ARB2A: variants seen among roughly 807,000 people sequenced by gnomAD.
The protein encoded by ARB2A is cotranscriptional regulator ARB2A.
chr5:93,789,396 A>C, the ARB2A span, among the ~76,000 whole-genome samples: 3 of 152,210 alleles, frequency 2.0e-5, no homozygotes, highest in Non-Finnish European at 4.4e-5. Flanking sequence ...TAAAAAAAAT[A>C]CATGTATATA....
chr5:94,009,846 A>G, the ARB2A span, among the ~76,000 whole-genome samples: 2 of 151,052 alleles, frequency 1.3e-5, no homozygotes, highest in Non-Finnish European at 3.0e-5. Context: ...ATTCTCTACT[A>G]TTGTTTGATA....
At chr5:93,697,889 C>G in the ARB2A span, among the ~76,000 whole-genome samples, 1 of 151,984 alleles carries the variant, frequency 6.6e-6, no homozygotes, top group South Asian at 2.1e-4. Flanking sequence ...AAGTTCATAA[C>G]ATATTTAAAG....
the ARB2A span, among the ~76,000 whole-genome samples, chr5:93,700,442 G>A: frequency 6.6e-6 from 1 of 151,884 alleles, no homozygotes; most frequent in Non-Finnish European, 1.5e-5. Flanking sequence ...TTTATCAACT[G>A]AATTTAGGGT....
the ARB2A span, among the ~76,000 whole-genome samples, chr5:93,903,487 T>A: frequency 1.3e-5 from 2 of 152,042 alleles, no homozygotes; most frequent in Admixed American, 6.6e-5. Context: ...AACCAAATTA[T>A]ACATACTCTC....
At chr5:94,042,193 G>A in the ARB2A span, among the ~76,000 whole-genome samples, 1 of 151,886 alleles carries the variant, frequency 6.6e-6, no homozygotes, top group Admixed American at 6.6e-5. Flanking sequence ...AAAATTCTGT[G>A]TGTGAATATA....
the ARB2A span, among the ~76,000 whole-genome samples, chr5:93,892,850 C>A: frequency 6.6e-6 from 1 of 152,116 alleles, no homozygotes. Context: ...AAATTTGGCT[C>A]TTAAGAGTCC....
At chr5:93,891,778 G>T in the ARB2A span, among the ~76,000 whole-genome samples, 1 of 152,040 alleles carries the variant, frequency 6.6e-6, no homozygotes, top group African/African-American at 2.4e-5. Flanking sequence ...CCAAACAAAA[G>T]ATTTTAACCG....
the ARB2A span, among the ~76,000 whole-genome samples, chr5:94,006,911 C>T: frequency 6.6e-6 from 1 of 152,160 alleles, no homozygotes; most frequent in Non-Finnish European, 1.5e-5. Context: ...TTCAAAATTA[C>T]AACTAAAATC....
the ARB2A span, among the ~76,000 whole-genome samples, chr5:94,088,590 A>C: frequency 6.6e-6 from 1 of 152,264 alleles, no homozygotes; most frequent in East Asian, 1.9e-4. Flanking sequence ...GTGAGGCAGC[A>C]GATATCAGGA....
At chr5:94,101,999 C>T in the ARB2A span, among the ~76,000 whole-genome samples, 6 of 151,590 alleles carry the variant, frequency 4.0e-5, no homozygotes, top group East Asian at 5.8e-4. Context: ...AAGCCCTCCC[C>T]GTCATAGTGT....
chr5:94,043,364 G>A, the ARB2A span, among the ~76,000 whole-genome samples: 3 of 152,192 alleles, frequency 2.0e-5, no homozygotes, highest in Non-Finnish European at 4.4e-5. Flanking sequence ...GTATACTCCT[G>A]TGAACAAAAT....
chr5:93,942,480 CT>C, the ARB2A span, among the ~76,000 whole-genome samples: 1 of 151,542 alleles, frequency 6.6e-6, no homozygotes, highest in Non-Finnish European at 1.5e-5. Flanking sequence ...ATTAAAAAAA[CT>C]TTTTTTGAAA....
the ARB2A span, among the ~76,000 whole-genome samples, chr5:93,701,047 G>A: frequency 6.6e-6 from 1 of 152,126 alleles, no homozygotes; most frequent in Admixed American, 6.6e-5. Context: ...TGTGGGGAAT[G>A]TGTTTGTATC....
chr5:93,785,515 T>C, the ARB2A span, among the ~76,000 whole-genome samples: 2 of 152,184 alleles, frequency 1.3e-5, no homozygotes, highest in Non-Finnish European at 2.9e-5. Context: ...TGAAAGCTCA[T>C]ACAGAGAAAG....
the ARB2A span, among the ~76,000 whole-genome samples, chr5:93,905,140 C>G: frequency 7.5e-4 from 114 of 151,762 alleles, no homozygotes; most frequent in East Asian, 1.5e-3. Flanking sequence ...AAATCAAGTA[C>G]ACATTTATTT....
chr5:94,100,963 T>G, the ARB2A span, among the ~76,000 whole-genome samples: 1 of 152,114 alleles, frequency 6.6e-6, no homozygotes, highest in Non-Finnish European at 1.5e-5. Context: ...TAAGAGCTTC[T>G]GCACAGCAAA....
chr5:94,051,037 AT>A, the ARB2A span, among the ~76,000 whole-genome samples: 2 of 152,222 alleles, frequency 1.3e-5, no homozygotes, highest in Admixed American at 1.3e-4. Flanking sequence ...CTCAAAAGTT[AT>A]TCTTCTTGAC....
chr5:93,896,351 T>G, the ARB2A span, among the ~76,000 whole-genome samples: 1 of 152,138 alleles, frequency 6.6e-6, no homozygotes, highest in Non-Finnish European at 1.5e-5. Flanking sequence ...CAAGTGCAGA[T>G]TTCCACACCT....
At chr5:94,110,344 G>C in the ARB2A span, among the ~76,000 whole-genome samples, 3 of 152,214 alleles carry the variant, frequency 2.0e-5, no homozygotes, top group Non-Finnish European at 2.9e-5. Flanking sequence ...AAGGTTGCCA[G>C]TAAATACTTG....
Sources: gnomAD v4.1 joint callset for allele counts (sites outside exome capture counted in the v4.1 genomes callset) on GRCh38, gnomAD v4.1.1 for gene constraint, MANE v1.5 for transcripts, NCBI Gene and HGNC (gene_info 2026-07-23, HGNC 2026-07-21) for gene names.